FHIT: variants seen among roughly 807,000 people sequenced by gnomAD.
FHIT encodes the protein bis(5'-adenosyl)-triphosphatase.
FHIT carries 19 observed loss-of-function variants against 17.9 expected under a neutral mutation model. The observed-to-expected ratio is 1.06, with a 90% CI of 0.74 to 1.56. The LOEUF (loss-of-function observed/expected upper bound fraction) is 1.56. Ranked by LOEUF, FHIT falls within the 40% of genes most tolerant of loss-of-function variation. The probability of loss-of-function intolerance (pLI) is 0.00; values close to 1 mark genes in which losing one functional copy is unlikely to be tolerated. For synonymous variants in FHIT, 81 were observed against 69.7 expected (o/e 1.16, Z -0.81); for missense variants, 248 against 189.2 (o/e 1.31, Z -1.82).
chr3:60,181,739 T>C (rs575141666), intron 5 of FHIT, among the ~76,000 whole-genome samples: 11 of 152,342 alleles, frequency 7.2e-5, no homozygotes, highest in African/African-American at 2.4e-4. Context: ...TTTGCATTTA[T>C]TGACTTTAAT....
At chr3:60,939,175 G>A (rs1358427040) in intron 3 of FHIT, among the ~76,000 whole-genome samples, 1 of 151,932 alleles carries the variant, frequency 6.6e-6, no homozygotes, top group African/African-American at 2.4e-5. Flanking sequence ...AATTAACTAG[G>A]GCTCATATAC....
intron 5 of FHIT, among the ~76,000 whole-genome samples, chr3:60,468,541 C>T (rs1345929615): frequency 1.3e-5 from 2 of 152,066 alleles, no homozygotes; most frequent in Admixed American, 1.3e-4. Flanking sequence ...CAGATGACAA[C>T]ACTGATTGCA....
intron 3 of FHIT, among the ~76,000 whole-genome samples, chr3:60,913,547 T>C (rs1706847521): frequency 1.3e-5 from 2 of 152,248 alleles, no homozygotes; most frequent in South Asian, 2.1e-4. Flanking sequence ...AAATTTAATG[T>C]ACTGCTTATC....
chr3:60,736,184 A>G (rs782378149), intron 4 of FHIT, among the ~76,000 whole-genome samples: 121 of 152,338 alleles, frequency 7.9e-4, no homozygotes, highest in Non-Finnish European at 1.5e-3. Context: ...GAAGTCTCAT[A>G]TTGGCAAGTG....
At chr3:60,958,557 G>A (rs968143317) in intron 3 of FHIT, among the ~76,000 whole-genome samples, 3 of 152,302 alleles carry the variant, frequency 2.0e-5, no homozygotes, top group Admixed American at 6.5e-5. Context: ...TTGACCAAAT[G>A]TTTCTCTTTA....
intron 4 of FHIT, among the ~76,000 whole-genome samples, chr3:60,672,495 C>T (rs1043352993): frequency 6.6e-6 from 1 of 152,082 alleles, no homozygotes; most frequent in African/African-American, 2.4e-5. Context: ...AGGCAAGGAC[C>T]AGCCATTTAC....
chr3:60,609,331 T>G (rs1326960574), intron 4 of FHIT, among the ~76,000 whole-genome samples: 1 of 128,076 alleles, frequency 7.8e-6, no homozygotes, highest in African/African-American at 3.1e-5. Flanking sequence ...CCTTTTTTAT[T>G]TATTTTTTTT....
intron 5 of FHIT, among the ~76,000 whole-genome samples, chr3:60,358,203 A>G (rs896111860): frequency 2.6e-5 from 4 of 152,234 alleles, no homozygotes; most frequent in African/African-American, 9.6e-5. Context: ...ACAAGCACTT[A>G]ATACATATTT....
Position 60,173,915 on chromosome 3 carries a change from A to ATATATATATTTTTT in FHIT, c.104-159764_104-159763insAAAAAATATATATA. On this transcript the variant is annotated intron_variant, in intron 5 of 9. Transcript: ENST00000492590. ...TATATATATATATATATATATATAT[A>ATATATATATTTTTT]TGTTTTTTTTTTTTTTTGAGATCGA... Among the ~76,000 whole-genome samples the ATATATATATTTTTT allele has an allele frequency of 6.0e-5, 4 of 66,434 alleles. 1 individual carries two copies. Among genetic ancestry groups the ATATATATATTTTTT allele is most frequent in the Non-Finnish European group, 1.1e-4 (4 of 36,118 alleles). 43.6% of individuals were successfully genotyped at this position (66,434 alleles called of 152,430 possible). A position where few individuals can be genotyped will look rare whatever the true frequency, so the allele number is the denominator to read the frequency against.
intron 5 of FHIT, among the ~76,000 whole-genome samples, chr3:60,400,612 A>C (rs1701624154): frequency 6.6e-6 from 1 of 152,130 alleles, no homozygotes; most frequent in Non-Finnish European, 1.5e-5. Flanking sequence ...TGCACACAGA[A>C]GCAGGAATCC....
At chr3:61,105,474 T>C (rs1319084501) in intron 2 of FHIT, among the ~76,000 whole-genome samples, 1 of 152,180 alleles carries the variant, frequency 6.6e-6, no homozygotes, top group African/African-American at 2.4e-5. Flanking sequence ...TCAGTAATGC[T>C]GCTCTTACAT....
chr3:60,379,809 A>C (rs572348393), intron 5 of FHIT, among the ~76,000 whole-genome samples: 22 of 152,308 alleles, frequency 1.4e-4, no homozygotes, highest in Non-Finnish European at 2.1e-4. Context: ...AAAATAAATG[A>C]AATTGAGGGA....
chr3:60,164,987 A>C (rs545653156), intron 5 of FHIT, among the ~76,000 whole-genome samples: 12 of 152,234 alleles, frequency 7.9e-5, no homozygotes, highest in African/African-American at 2.6e-4. Flanking sequence ...CAACGCAAAA[A>C]CAAGTTTTAT....
chr3:59,845,040 C>G (rs942750637), intron 8 of FHIT, among the ~76,000 whole-genome samples: 11 of 152,058 alleles, frequency 7.2e-5, no homozygotes, highest in Non-Finnish European at 1.3e-4. Flanking sequence ...AGGAATTTGT[C>G]CATTTCACCT....
At chr3:59,829,975 C>G (rs915644647) in intron 8 of FHIT, among the ~76,000 whole-genome samples, 3 of 152,016 alleles carry the variant, frequency 2.0e-5, no homozygotes, top group African/African-American at 7.2e-5. Flanking sequence ...ACTTGGGAGG[C>G]TGAGGTTGGA....
intron 7 of FHIT, among the ~76,000 whole-genome samples, chr3:59,994,283 C>T (rs1436194158): frequency 1.3e-5 from 2 of 152,072 alleles, no homozygotes; most frequent in African/African-American, 4.8e-5. Flanking sequence ...ATGCTCATTA[C>T]ATTTATTGTA....
chr3:60,169,301 A>T (rs533200192), intron 5 of FHIT, among the ~76,000 whole-genome samples: 2 of 152,308 alleles, frequency 1.3e-5, no homozygotes, highest in Admixed American at 6.5e-5. Context: ...GGGGTACTGT[A>T]ATACCCTGAA....
intron 3 of FHIT, among the ~76,000 whole-genome samples, chr3:60,872,403 G>A (rs1294762105): frequency 1.3e-5 from 2 of 152,074 alleles, no homozygotes; most frequent in East Asian, 3.9e-4. Context: ...TTTGGGGAAA[G>A]GGTAATTAGA....
intron 4 of FHIT, among the ~76,000 whole-genome samples, chr3:60,543,055 G>A (rs184413863): frequency 2.9e-4 from 44 of 152,140 alleles, no homozygotes; most frequent in Non-Finnish European, 5.9e-4. Context: ...TTTCTATTCT[G>A]CTTCAGAGCC....
Sources: allele counts gnomAD v4.1 joint callset (sites outside exome capture counted in the v4.1 genomes callset), GRCh38; gene constraint gnomAD v4.1.1; transcripts MANE v1.5; gene names NCBI Gene and HGNC (gene_info 2026-07-23, HGNC 2026-07-21).